GCN1: variants seen among roughly 807,000 people sequenced by gnomAD.
GCN1 encodes GCN1 activator of EIF2AK4.
In GCN1, 90 loss-of-function variants were observed where a neutral mutation model predicts 288.4. That is an observed-to-expected ratio of 0.31 (90% CI 0.26 to 0.37). GCN1 has a LOEUF of 0.37. GCN1 is among the 10% of genes least tolerant of loss of function. The pLI, the probability that GCN1 is intolerant of heterozygous loss-of-function variation, is 1.00. For missense variants in GCN1, 2,586 were observed against 3,419.9 expected (o/e 0.76, Z 6.08); for synonymous variants, 1,386 against 1,420.2 (o/e 0.98, Z 0.54).
At chr12:120,170,127 A>C in intron 15 of GCN1, 42 bp downstream of exon 15, 1 of 1,577,818 alleles carries the variant, frequency 6.3e-7, no homozygotes, top group Non-Finnish European at 8.7e-7. Flanking sequence ...CTCTTGTCAG[A>C]GGCCCCTGTC....
rs763276179 is a variant in GCN1, at chr12:120,134,285, C to A, written c.7317+6G>T. ...GTGCTGCCACTAGTCCTGCCTGCAGCCGTACCTCATCGTGTCCCAGCATGC... is the reference window on the plus strand; with the variant it reads ...GTGCTGCCACTAGTCCTGCCTGCAGACGTACCTCATCGTGTCCCAGCATGC... On this transcript the variant is annotated splice_donor_region_variant and intron_variant, in intron 53 of 57. Coordinates refer to ENST00000300648, the MANE Select transcript of GCN1 (RefSeq NM_006836.2). This position sits in a 1 kb window ranked among gnomAD's most constrained non-coding sequence, Gnocchi z 5.0. The A allele has an allele frequency of 1.2e-6, 2 of 1,600,936 alleles. No individual in the cohort carries two copies. Among genetic ancestry groups the A allele is most frequent in the Non-Finnish European group, 1.7e-6 (2 of 1,168,278 alleles).
rs1594254612 is a variant in GCN1, at chr12:120,127,906, C to T, written c.7959G>A (p.Lys2653=). Residue 2653 remains lysine (K), a synonymous_variant, in exon 58 of 58, where the codon AAG becomes AAA. Transcript: ENST00000300648. ...VLNEVNRRSL[K]KLASQADSTE... is the part of the protein sequence containing the mutation. ...TGGAGTCGGCCTGGCTGGCCAGCTT[C>T]TTCAGGGACCTTCGGTTAACCTCGT... is the stretch of plus-strand genomic sequence containing the variant. 1 of 1,614,140 alleles carries T rather than the reference C, an allele frequency of 6.2e-7. No homozygotes were observed. The highest frequency in any genetic ancestry group is 1.7e-4 in the Middle Eastern group (1 of 6,060).
At position 120,156,809 on chromosome 12, in the gene GCN1, A is replaced by G; in HGVS notation, c.3168+103T>C. On this transcript the variant is annotated intron_variant, in intron 27 of 57. Coordinates refer to ENST00000300648, the MANE Select transcript of GCN1 (RefSeq NM_006836.2). The surrounding 1 kb of genome is among the most constrained non-coding windows in gnomAD (Gnocchi z 5.8). ...AAGCAGTCTTTCTACCAAAGTCCAA[A>G]AGTAAGGGCTGAAAGGAAACTAGGA... 1.0e-6 allele frequency: 1 copy of G among 990,132 alleles called. No individual in the cohort carries two copies. Among genetic ancestry groups the G allele is most frequent in the South Asian group, 1.3e-5 (1 of 75,130 alleles). The allele number at this position is 990,132 out of a possible 1,614,324, so 61.3% of individuals were successfully genotyped here. A position where few individuals can be genotyped will look rare whatever the true frequency, so the allele number is the denominator to read the frequency against.
intron 51 of GCN1, among the ~76,000 whole-genome samples, 199 bp downstream of exon 51, chr12:120,136,303 T>A (rs1877001230): frequency 6.6e-6 from 1 of 152,146 alleles, no homozygotes; most frequent in South Asian, 2.1e-4. Context: ...TTTCCCAAGG[T>A]CATCCTGGTC....
rs1878476669 is a variant in GCN1 at position 120,176,174 on chromosome 12, C to G, written c.882G>C (p.Gln294His). The change falls in exon 10 of 58, where the codon CAG becomes CAC. Residue 294 changes from glutamine to histidine, a missense_variant. Physicochemically the swap from Gln to His is conservative, Grantham distance 24. Around this residue, in one of 8 missense-constraint regions of GCN1, gnomAD observed 913 missense variants for 1,107.0 expected, o/e 0.82. Transcript: ENST00000300648. ...GTCCTTTCACGATGTCCATGGCATA[C>G]TGGCTGAGGTCAAGCGTCACTGATG... ...LLASVTLDLS[Q>H]YAMDIVKGLA... 2 of 1,612,514 alleles carry G rather than the reference C, an allele frequency of 1.2e-6. No individual in the cohort carries two copies. The highest frequency in any genetic ancestry group is 1.7e-6 in the Non-Finnish European group (2 of 1,178,524).
At chr12:120,141,273 T>A (rs1043086221) in intron 44 of GCN1, among the ~76,000 whole-genome samples, 1 of 152,122 alleles carries the variant, frequency 6.6e-6, no homozygotes, top group Non-Finnish European at 1.5e-5. Flanking sequence ...ACCTTACACA[T>A]GTACAAAAAA....
rs964911572 is a variant in GCN1, at chr12:120,144,045, C to T, written c.5495+261G>A. Among the ~76,000 whole-genome samples the T allele has an allele frequency of 2.6e-5, 4 of 152,156 alleles. No individual in the cohort carries two copies. Among genetic ancestry groups the T allele is most frequent in the Non-Finnish European group, 4.4e-5 (3 of 68,024 alleles). ...AGGTTGGAGTGCAGTGGCACAATCT[C>T]GGCTCACTGCAACCTCTACCTCTGG... On this transcript the variant is annotated intron_variant, in intron 42 of 57. Coordinates refer to ENST00000300648, the MANE Select transcript of GCN1 (RefSeq NM_006836.2). The surrounding 1 kb of genome is among the most constrained non-coding windows in gnomAD (Gnocchi z 4.7).
chr12:120,155,633 G>C lies in GCN1; in HGVS notation c.3399C>G (p.Val1133=). 1 of 1,614,014 alleles carries C rather than the reference G, an allele frequency of 6.2e-7. No individual in the cohort carries two copies. The highest frequency in any genetic ancestry group is 8.5e-7 in the Non-Finnish European group (1 of 1,179,964). ...GGATCTCCTCCTCCTTGTCAAACTT[G>C]ACCACCCAGAGTCTCCGCAGAAGGT... The part of the protein sequence containing the change: ...GLNLLRRLWV[V]KFDKEEEIRK... Residue 1133 remains valine (V), a synonymous_variant, in exon 29 of 58, where the codon GTC becomes GTG. Coordinates refer to ENST00000300648, the MANE Select transcript of GCN1 (RefSeq NM_006836.2). This position sits in a 1 kb window ranked among gnomAD's most constrained non-coding sequence, Gnocchi z 4.9.
intron 33 of GCN1, among the ~76,000 whole-genome samples, chr12:120,152,991 T>A (rs1877617045): frequency 6.6e-6 from 1 of 152,004 alleles, no homozygotes; most frequent in South Asian, 2.1e-4. Flanking sequence ...AATGAAACTA[T>A]CTGGGAGGTC....
chr12:120,173,656 G>C lies in GCN1; in HGVS notation c.1363C>G (p.Arg455Gly), dbSNP rs1301574257. 6.3e-7 allele frequency: 1 copy of C among 1,599,700 alleles called. No individual in the cohort carries two copies. The highest frequency in any genetic ancestry group is 8.6e-7 in the Non-Finnish European group (1 of 1,166,972). The change falls in exon 14 of 58, where the codon CGG (arginine) becomes GGG (glycine). Residue 455 changes from arginine (R) to glycine (G), a missense_variant. Coordinates refer to ENST00000300648, the MANE Select transcript of GCN1 (RefSeq NM_006836.2). Reference sequence around the variant, plus strand: ...CTAGCCCTGGGAGTTGTCTTACCCCGGTAAGAGGCCAACATGCACTGCAGG... The same window carrying C: ...CTAGCCCTGGGAGTTGTCTTACCCCCGTAAGAGGCCAACATGCACTGCAGG... ...AYLQCMLASY[R>G]GDTLLQALDL... is the part of the protein sequence containing the mutation.
chr12:120,182,167 A>C (rs1594288436), intron 5 of GCN1, among the ~76,000 whole-genome samples: 1 of 151,830 alleles, frequency 6.6e-6, no homozygotes, highest in Non-Finnish European at 1.5e-5. Context: ...AACAAAAAAA[A>C]AAAAACAAAA....
chr12:120,145,283 C>T lies in GCN1; in HGVS notation c.4995G>A (p.Ser1665=), dbSNP rs775893923. Residue 1665 remains serine (S), a synonymous_variant, in exon 39 of 58, where the codon TCG becomes TCA. Coordinates refer to ENST00000300648, the MANE Select transcript of GCN1 (RefSeq NM_006836.2). Reference sequence around the variant, plus strand: ...TCACCTCAGGCACAGGGTCCAAAAGCGATGCTTTCAGGCCAGGCGTCACGC... The same window carrying T: ...TCACCTCAGGCACAGGGTCCAAAAGTGATGCTTTCAGGCCAGGCGTCACGC... The part of the protein sequence containing the change: ...LPSVTPGLKA[S]LLDPVPEVRT... The T allele has an allele frequency of 1.1e-5, 18 of 1,602,098 alleles. No individual in the cohort carries two copies. Among genetic ancestry groups the T allele is most frequent in the African/African-American group, 2.7e-5 (2 of 74,408 alleles).
chr12:120,176,204 C>A lies in GCN1; in HGVS notation c.852G>T (p.Leu284=). The A allele has an allele frequency of 6.2e-7, 1 of 1,608,188 alleles. No homozygotes were observed. Among genetic ancestry groups the A allele is most frequent in the Non-Finnish European group, 8.5e-7 (1 of 1,174,542 alleles). The part of the protein sequence containing the change: ...PENVIETISS[L]LASVTLDLSQ... ...TGAGGTCAAGCGTCACTGATGCCAG[C>A]AGACTAGAAATAGCTAAGGGGGACA... The change falls in exon 10 of 58, where the codon CTG becomes CTT. Residue 284 remains leucine, a synonymous_variant. Transcript: ENST00000300648.
chr12:120,184,160 A>T lies in GCN1; in HGVS notation c.269T>A (p.Leu90Gln). Residue 90 changes from leucine (L) to glutamine (Q), a missense_variant, in exon 4 of 58, where the codon CTA becomes CAA. By Grantham distance (113) the Leu-to-Gln change is moderately radical. Around this residue, in one of 8 missense-constraint regions of GCN1, gnomAD observed 913 missense variants for 1,107.0 expected, o/e 0.82. Coordinates refer to ENST00000300648, the MANE Select transcript of GCN1 (RefSeq NM_006836.2). ...AQPEATAKNL[L>Q]HSLQSSGIGS... Reference sequence around the variant, plus strand: ...TATACCAGAAGACTGCAGAGAGTGTAGAAGGTTCTTAGCAGTGGCTTCTGG... The same window carrying T: ...TATACCAGAAGACTGCAGAGAGTGTTGAAGGTTCTTAGCAGTGGCTTCTGG... The T allele has an allele frequency of 6.2e-7, 1 of 1,613,904 alleles. No individual in the cohort carries two copies. Among genetic ancestry groups the T allele is most frequent in the Non-Finnish European group, 8.5e-7 (1 of 1,179,774 alleles).
chr12:120,132,002 T>A lies in GCN1; in HGVS notation c.7338A>T (p.Ser2446=). 1 of 1,596,728 alleles carries A rather than the reference T, an allele frequency of 6.3e-7. No homozygotes were observed. ...CACACAGTTCCCCTAGGCACCCGGC[T>A]GAGGAGATGCGAGTGTTGTCCTGAC... The part of the protein sequence containing the change: ...GHDEDNTRIS[S]AGCLGELCAF... Residue 2446 remains serine, a synonymous_variant, in exon 54 of 58, where the codon TCA becomes TCT. Transcript: ENST00000300648.
At chr12:120,131,852 G>T in intron 54 of GCN1, 74 bp downstream of exon 54, 1 of 883,450 alleles carries the variant, frequency 1.1e-6, no homozygotes, top group Non-Finnish European at 1.9e-6. Context: ...GAGGGAGGGA[G>T]GGAGATGCCC....
intron 16 of GCN1, among the ~76,000 whole-genome samples, chr12:120,164,996 CATAT>C (rs199612431): frequency 9.2e-6 from 1 of 108,890 alleles, no homozygotes; most frequent in East Asian, 2.7e-4. Flanking sequence ...CATATATACA[CATAT>C]ATACACACAC....
intron 56 of GCN1, 89 bp from the exon 57 acceptor site, chr12:120,129,583 A>G: frequency 2.1e-6 from 2 of 946,178 alleles, no homozygotes; most frequent in Admixed American, 3.5e-5. Context: ...CACTCTCCCT[A>G]CAGCATGAAC....
chr12:120,181,682 A>G (rs1878667731), intron 5 of GCN1, among the ~76,000 whole-genome samples: 1 of 151,454 alleles, frequency 6.6e-6, no homozygotes, highest in Non-Finnish European at 1.5e-5. Context: ...TCTAGTAAAA[A>G]TACAAAACTA....
Sources: allele counts gnomAD v4.1 joint callset (sites outside exome capture counted in the v4.1 genomes callset), GRCh38; gene constraint gnomAD v4.1.1; regional missense constraint gnomAD v4.1.1; non-coding constraint Gnocchi (gnomAD v3.1); transcripts MANE v1.5; gene names NCBI Gene and HGNC (gene_info 2026-07-23, HGNC 2026-07-21).